Variants in RPS6KA2 observed in about 807,000 individuals in gnomAD.
RPS6KA2 encodes ribosomal protein S6 kinase A2.
A neutral mutation model predicts 91.8 loss-of-function variants in RPS6KA2; 42 were observed. The ratio of observed to expected loss-of-function variants is 0.46; its 90% confidence interval spans 0.36 to 0.59. RPS6KA2 has a LOEUF of 0.59. RPS6KA2 is among the 20% of genes least tolerant of loss of function. RPS6KA2 has a pLI of 0.00. For missense variants in RPS6KA2, 798 were observed against 978.5 expected, an observed-to-expected ratio of 0.82 and a Z score of 2.46; for synonymous variants, 414 against 393.6, an observed-to-expected ratio of 1.05 and a Z score of -0.61.
At chr6:166,530,878 T>C (rs1783248767) in intron 3 of RPS6KA2, among the ~76,000 whole-genome samples, 1 of 152,198 alleles carries the variant, frequency 6.6e-6, no homozygotes, top group African/African-American at 2.4e-5. Flanking sequence ...TAAAACCGAG[T>C]GAGGCCGTCG....
chr6:166,759,085 A>C (rs2128602410), intron 2 of RPS6KA2, among the ~76,000 whole-genome samples: 1 of 98,108 alleles, frequency 1.0e-5, no homozygotes, highest in African/African-American at 3.2e-5. Flanking sequence ...GTGTGTGTGC[A>C]CATGTGTGTG....
intron 12 of RPS6KA2, among the ~76,000 whole-genome samples, chr6:166,453,094 G>A (rs1171196638): frequency 1.3e-5 from 2 of 151,996 alleles, no homozygotes; most frequent in African/African-American, 4.8e-5. Context: ...CCAGCTGCTT[G>A]GGAGGCTGAG....
intron 2 of RPS6KA2, among the ~76,000 whole-genome samples, chr6:166,779,103 C>G (rs1387493097): frequency 6.6e-6 from 1 of 152,216 alleles, no homozygotes; most frequent in Non-Finnish European, 1.5e-5. Flanking sequence ...CTCACTGGCA[C>G]TGCTTCAAAG....
chr6:166,488,951 A>G, intron 9 of RPS6KA2, 30 bp from the exon 10 acceptor site: 2 of 1,562,904 alleles, frequency 1.3e-6, no homozygotes, highest in East Asian at 2.3e-5. Flanking sequence ...TTTAGGATCT[A>G]TTTTAGGAGA....
chr6:166,551,360 C>T (rs1324944626), intron 1 of RPS6KA2, among the ~76,000 whole-genome samples: 2 of 152,206 alleles, frequency 1.3e-5, no homozygotes, highest in African/African-American at 2.4e-5. Context: ...TAGATCATTC[C>T]GGATCTCCTT....
intron 1 of RPS6KA2, among the ~76,000 whole-genome samples, chr6:166,593,349 A>C (rs1785419068): frequency 6.6e-6 from 1 of 152,224 alleles, no homozygotes; most frequent in Middle Eastern, 3.2e-3. Flanking sequence ...AGACTATATA[A>C]AAACAGAACA....
intron 1 of RPS6KA2, among the ~76,000 whole-genome samples, chr6:166,566,328 G>A (rs1784503267): frequency 6.6e-6 from 1 of 152,204 alleles, no homozygotes; most frequent in Non-Finnish European, 1.5e-5. Context: ...CATCTCCAAA[G>A]GGCCCCTTCA....
intron 14 of RPS6KA2, among the ~76,000 whole-genome samples, chr6:166,446,341 G>A (rs573477730): frequency 6.6e-6 from 1 of 152,140 alleles, no homozygotes; most frequent in Non-Finnish European, 1.5e-5. Context: ...GCACCTTCCC[G>A]TGCTCGGTTA....
chr6:166,501,313 G>C (rs1408348886), intron 6 of RPS6KA2, among the ~76,000 whole-genome samples: 1 of 152,222 alleles, frequency 6.6e-6, no homozygotes, highest in Non-Finnish European at 1.5e-5. Flanking sequence ...CTCGCAGATG[G>C]AATGTTTCTG....
intron 2 of RPS6KA2, among the ~76,000 whole-genome samples, chr6:166,772,447 C>T (rs1169674757): frequency 2.0e-5 from 3 of 152,224 alleles, no homozygotes; most frequent in Non-Finnish European, 2.9e-5. Context: ...CAGCTTCGGA[C>T]GCTGGGATTC....
At chr6:166,841,767 G>A (rs1000732245) in intron 2 of RPS6KA2, among the ~76,000 whole-genome samples, 3 of 152,316 alleles carry the variant, frequency 2.0e-5, no homozygotes, top group East Asian at 1.9e-4. Flanking sequence ...ATGGTATGAC[G>A]GTAACACCCC....
At chr6:166,589,938 G>A (rs1003710570) in intron 1 of RPS6KA2, among the ~76,000 whole-genome samples, 11 of 152,174 alleles carry the variant, frequency 7.2e-5, no homozygotes, top group Admixed American at 1.3e-4. Flanking sequence ...GAGGCCACAG[G>A]CATGCAAGTG....
chr6:166,717,213 A>C (rs1205076693), intron 2 of RPS6KA2, among the ~76,000 whole-genome samples: 2 of 152,228 alleles, frequency 1.3e-5, no homozygotes, highest in Non-Finnish European at 2.9e-5. Flanking sequence ...AAGGGGGTGG[A>C]GGCATCGCCA....
chr6:166,431,227 C>A (rs969057482), intron 15 of RPS6KA2, among the ~76,000 whole-genome samples: 1 of 152,224 alleles, frequency 6.6e-6, no homozygotes, highest in Non-Finnish European at 1.5e-5. Flanking sequence ...AGTGCCTGGC[C>A]TGCCAGGAGA....
At chr6:166,801,955 A>C (rs1038367802) in intron 2 of RPS6KA2, among the ~76,000 whole-genome samples, 10 of 152,196 alleles carry the variant, frequency 6.6e-5, no homozygotes, top group Non-Finnish European at 1.3e-4. Flanking sequence ...TAAAAAAAAA[A>C]AATTTTTAAA....
intron 2 of RPS6KA2, among the ~76,000 whole-genome samples, chr6:166,754,068 G>A (rs1777924640): frequency 6.6e-6 from 1 of 152,170 alleles, no homozygotes; most frequent in African/African-American, 2.4e-5. Flanking sequence ...CCTGAGGCCC[G>A]AGGTGCATGC....
At chr6:166,695,798 G>C (rs9457195) in intron 2 of RPS6KA2, among the ~76,000 whole-genome samples, 3 of 137,232 alleles carry the variant, frequency 2.2e-5, no homozygotes, top group African/African-American at 1.1e-4. Flanking sequence ...CAGGAGCACT[G>C]GATTCTCATA....
At chr6:166,574,480 G>T (rs984119879) in intron 1 of RPS6KA2, among the ~76,000 whole-genome samples, 3 of 152,204 alleles carry the variant, frequency 2.0e-5, no homozygotes, top group Admixed American at 1.3e-4. Context: ...TGGCTGCAAA[G>T]GACATGATTT....
At position 166,508,095 on chromosome 6, in the gene RPS6KA2, G is replaced by A. The variant is rs553417747; in HGVS notation, c.459+108C>T. The A allele has an allele frequency of 1.4e-4, 96 of 671,828 alleles. No homozygotes were observed. The African/African-American group carries it at 1.6e-3, about 11-fold the overall frequency. 41.6% of individuals were successfully genotyped at this position (671,828 alleles called of 1,614,324 possible). A position where few individuals can be genotyped will look rare whatever the true frequency, so the allele number is the denominator to read the frequency against. ...TGCACACACCCCCACACACACACAC[G>A]CACTCTCGCACGTGCTCACGTCCTC... On this transcript the variant is annotated intron_variant, in intron 5 of 20. Coordinates refer to ENST00000265678, the MANE Select transcript of RPS6KA2 (RefSeq NM_021135.6). The surrounding 1 kb of genome is among the most constrained non-coding windows in gnomAD (Gnocchi z 4.3).
Sources: allele counts gnomAD v4.1 joint callset (sites outside exome capture counted in the v4.1 genomes callset), GRCh38; gene constraint gnomAD v4.1.1; non-coding constraint Gnocchi (gnomAD v3.1); transcripts MANE v1.5; gene names NCBI Gene and HGNC (gene_info 2026-07-23, HGNC 2026-07-21).